HMCES: variants seen among roughly 807,000 people sequenced by gnomAD.
HMCES encodes the protein 5-hydroxymethylcytosine binding, ES cell specific, also known as abasic site processing protein HMCES.
HMCES carries 27 observed loss-of-function variants against 35.1 expected under a neutral mutation model. The observed-to-expected ratio is 0.77, with a 90% CI of 0.57 to 1.06. The LOEUF is 1.06. Ranked by LOEUF, HMCES falls within the 50% of genes least tolerant of loss-of-function variation. The pLI is 0.00. For synonymous variants in HMCES, 130 were observed against 154.7 expected (o/e 0.84, Z 1.18); for missense variants, 391 against 430.4 (o/e 0.91, Z 0.81).
At position 129,279,765 on chromosome 3, in the gene HMCES, A is replaced by G; in HGVS notation, c.33A>G (p.Arg11=). Residue 11 remains arginine, a synonymous_variant, in exon 2 of 7, where the codon AGA becomes AGG. Transcript: ENST00000383463. The surrounding 1 kb of genome is among the most constrained non-coding windows in gnomAD (Gnocchi z 4.2). MCGRTSCHLP[R]DVLTRACAYQ... The stretch of plus-strand genomic sequence containing the variant: ...GGCGAACATCCTGTCACTTACCTAG[A>G]GATGTTCTCACGAGAGCTTGCGCCT... The G allele has an allele frequency of 1.2e-6, 2 of 1,613,014 alleles. No homozygotes were observed. The highest frequency in any genetic ancestry group is 1.7e-6 in the Non-Finnish European group (2 of 1,179,642).
chr3:129,305,035 C>T lies in HMCES; in HGVS notation c.*210C>T. 1 of 582,556 alleles carries T rather than the reference C, an allele frequency of 1.7e-6. No homozygotes were observed. The highest frequency in any genetic ancestry group is 3.0e-6 in the Non-Finnish European group (1 of 327,982). 36.1% of individuals were successfully genotyped at this position (582,556 alleles called of 1,614,324 possible). ...GGAAGAGGTGTCCTGCTGCTGTTAC[C>T]AGCCATGTGGGCCCCATAGGGGCAC... On this transcript the variant is annotated 3_prime_UTR_variant, in exon 7 of 7. Transcript: ENST00000383463.
chr3:129,284,854 T>C lies in HMCES; in HGVS notation c.184-4000T>C, dbSNP rs138657237. Among the ~76,000 whole-genome samples, 783 of 152,196 alleles carry C rather than the reference T, an allele frequency of 5.1e-3. 5 individuals carry two copies. Among genetic ancestry groups the C allele is most frequent in the African/African-American group, 0.018 (735 of 41,518 alleles). On this transcript the variant is annotated intron_variant, in intron 2 of 6. Transcript: ENST00000383463. ...TTGAACCTGGGAGGCAGAGGTTGCA[T>C]TGAGCTGAGATCGTGCCACTGCACT...
intron 2 of HMCES, among the ~76,000 whole-genome samples, chr3:129,284,122 T>C (rs1274110774): frequency 2.0e-5 from 3 of 152,194 alleles, no homozygotes; most frequent in Non-Finnish European, 4.4e-5. Context: ...AGCTGACAAA[T>C]TTGAGTACCT....
At chr3:129,300,892 G>A (rs980312652) in intron 5 of HMCES, among the ~76,000 whole-genome samples, 7 of 152,090 alleles carry the variant, frequency 4.6e-5, no homozygotes, top group African/African-American at 1.4e-4. Context: ...TTAGCCAGAC[G>A]TGGTGGCGGC....
Position 129,279,590 on chromosome 3 carries a change from T to C in HMCES, c.-23-120T>C, listed in dbSNP as rs1372681202. Reference sequence around the variant, plus strand: ...TTGTGGGACTTTTTGGGGAAGACTTTAGACGGTGGTCACGGAGGGGCACGG... The same window carrying C: ...TTGTGGGACTTTTTGGGGAAGACTTCAGACGGTGGTCACGGAGGGGCACGG... On this transcript the variant is annotated intron_variant, in intron 1 of 6. Coordinates refer to ENST00000383463, the MANE Select transcript of HMCES (RefSeq NM_020187.3). This position sits in a 1 kb window ranked among gnomAD's most constrained non-coding sequence, Gnocchi z 4.2. 1.1e-5 allele frequency: 11 copies of C among 979,804 alleles called. No homozygotes were observed. The highest frequency in any genetic ancestry group is 1.5e-5 in the South Asian group (1 of 65,300). 60.7% of individuals were successfully genotyped at this position (979,804 alleles called of 1,614,324 possible).
rs1940405583 is a variant in HMCES at position 129,279,653 on chromosome 3, A to T, written c.-23-57A>T. ...GGAAAGAGAAGGCGGGGACTCAAGG[A>T]ATAAGACCTAATATTTGAGATACGT... On this transcript the variant is annotated intron_variant, in intron 1 of 6. Coordinates refer to ENST00000383463, the MANE Select transcript of HMCES (RefSeq NM_020187.3). The surrounding 1 kb of genome is among the most constrained non-coding windows in gnomAD (Gnocchi z 4.2). 2 of 1,527,796 alleles carry T rather than the reference A, an allele frequency of 1.3e-6. No individual in the cohort carries two copies. Among genetic ancestry groups the T allele is most frequent in the African/African-American group, 2.8e-5 (2 of 72,504 alleles). The allele number at this position is 1,527,796 out of a possible 1,614,324, so 94.6% of individuals were successfully genotyped here.
rs201218294 is a variant in HMCES at position 129,287,194 on chromosome 3, GT to G, written c.184-1651del. On this transcript the variant is annotated intron_variant, in intron 2 of 6. Transcript: ENST00000383463. ...AGTAATGTATATGTACAGTGTTTTT[GT>G]TTTTTTTTGTGGGGTTTTTTTGTTT... Among the ~76,000 whole-genome samples, 1,483 of 148,692 alleles carry G rather than the reference GT, an allele frequency of 1.0e-2. 21 individuals are homozygous for G. The highest frequency in any genetic ancestry group is 0.035 in the African/African-American group (1,400 of 39,690).
Position 129,305,074 on chromosome 3 carries a change from C to A in HMCES, c.*249C>A. The A allele has an allele frequency of 1.9e-6, 1 of 537,690 alleles. No homozygotes were observed. The highest frequency in any genetic ancestry group is 3.3e-6 in the Non-Finnish European group (1 of 301,986). The allele number at this position is 537,690 out of a possible 1,614,324, so 33.3% of individuals were successfully genotyped here. On this transcript the variant is annotated 3_prime_UTR_variant, in exon 7 of 7. Transcript: ENST00000383463. ...CCATAGGGGCACTGCGCCTGCTGCC[C>A]TTTCCTGGCAGGGCTGGTGGAGTCT... is the stretch of plus-strand genomic sequence containing the variant.
rs564191716 is a variant in HMCES at position 129,288,149 on chromosome 3, C to T, written c.184-705C>T. 2.1e-3 allele frequency among the ~76,000 whole-genome samples: 317 copies of T among 152,188 alleles called. 1 individual carries two copies. The highest frequency in any genetic ancestry group is 7.3e-3 in the African/African-American group (305 of 41,530). ...AATTAGCTGGACATGATGGTGTGCACCTGTAGTCCCAGCTACTTGGGAGGC... is the reference window on the plus strand; with the variant it reads ...AATTAGCTGGACATGATGGTGTGCATCTGTAGTCCCAGCTACTTGGGAGGC... On this transcript the variant is annotated intron_variant, in intron 2 of 6. Transcript: ENST00000383463.
chr3:129,289,035 A>T (rs767653528), intron 3 of HMCES, 38 bp downstream of exon 3: 3 of 1,479,384 alleles, frequency 2.0e-6, no homozygotes, highest in Non-Finnish European at 2.7e-6. Flanking sequence ...CGTATACCTC[A>T]GAAATAAGGT....
Position 129,279,748 on chromosome 3 carries a change from TC to T in HMCES, c.18del (p.Cys7ValfsTer96). 1 of 1,612,994 alleles carries T rather than the reference TC, an allele frequency of 6.2e-7. No homozygotes were observed. Among genetic ancestry groups the T allele is most frequent in the Non-Finnish European group, 8.5e-7 (1 of 1,179,640 alleles). On this transcript the variant is annotated frameshift_variant, in exon 2 of 7. Transcript: ENST00000383463. LOFTEE classifies it high-confidence loss of function. The surrounding 1 kb of genome is among the most constrained non-coding windows in gnomAD (Gnocchi z 4.2). ...GTGTTGAAGAATGTGTGGGCGAACATCCTGTCACTTACCTAGAGATGTTCTC... is the reference window on the plus strand; with the variant it reads ...GTGTTGAAGAATGTGTGGGCGAACATCTGTCACTTACCTAGAGATGTTCTC... MCGRT[S>X]CHLPRDVLTR...
intron 2 of HMCES, among the ~76,000 whole-genome samples, chr3:129,281,077 C>A (rs1940466512): frequency 1.3e-5 from 2 of 152,032 alleles, no homozygotes; most frequent in South Asian, 4.1e-4. Context: ...CAAAAATTAG[C>A]TGAGTATGGT....
At chr3:129,291,173 C>T (rs1048958534) in intron 4 of HMCES, among the ~76,000 whole-genome samples, 7 of 151,790 alleles carry the variant, frequency 4.6e-5, no homozygotes, top group African/African-American at 1.7e-4. Context: ...CTGCACTGGG[C>T]GACAGAGCAA....
rs769887542 is a variant in HMCES, at chr3:129,302,151, C to CTGTG, written c.828+10_828+13dup. 3.1e-6 allele frequency: 5 copies of CTGTG among 1,606,918 alleles called. No homozygotes were observed. In the East Asian group the frequency reaches 1.1e-4, roughly 36 times the overall value. The stretch of plus-strand genomic sequence containing the variant: ...ACTTGGTGGTCAAAAAGGTAGGGGC[C>CTGTG]TGTGACTGGTACAGTCCTTTTTGAG... On this transcript the variant is annotated intron_variant, in intron 6 of 6. Transcript: ENST00000383463.
In HMCES at chr3:129,305,077, T is replaced by C; in HGVS notation, c.*252T>C. 1 of 533,072 alleles carries C rather than the reference T, an allele frequency of 1.9e-6. No homozygotes were observed. The highest frequency in any genetic ancestry group is 3.2e-5 in the East Asian group (1 of 31,588). 33.0% of individuals were successfully genotyped at this position (533,072 alleles called of 1,614,324 possible). A position where few individuals can be genotyped will look rare whatever the true frequency, so the allele number is the denominator to read the frequency against. ...TAGGGGCACTGCGCCTGCTGCCCTT[T>C]CCTGGCAGGGCTGGTGGAGTCTTCC... On this transcript the variant is annotated 3_prime_UTR_variant, in exon 7 of 7. Coordinates refer to ENST00000383463, the MANE Select transcript of HMCES (RefSeq NM_020187.3).
At chr3:129,293,350 C>T (rs764202111) in intron 4 of HMCES, among the ~76,000 whole-genome samples, 6 of 152,032 alleles carry the variant, frequency 3.9e-5, no homozygotes, top group Non-Finnish European at 8.8e-5. Context: ...AACCAGACAC[C>T]ACCTGTTCCC....
At chr3:129,291,756 A>G (rs2107691447) in intron 4 of HMCES, among the ~76,000 whole-genome samples, 1 of 152,310 alleles carries the variant, frequency 6.6e-6, no homozygotes, top group East Asian at 1.9e-4. Context: ...TTACAACTCT[A>G]CGTTTAACAT....
intron 4 of HMCES, among the ~76,000 whole-genome samples, chr3:129,295,043 C>G (rs916502280): frequency 2.6e-5 from 4 of 151,366 alleles, no homozygotes; most frequent in African/African-American, 7.3e-5. Flanking sequence ...CCTGTAGTCC[C>G]AGCTACTTGG....
chr3:129,287,092 TG>T (rs1485008404), intron 2 of HMCES, among the ~76,000 whole-genome samples: 4 of 152,200 alleles, frequency 2.6e-5, no homozygotes, highest in Admixed American at 2.6e-4. Context: ...GAAAAAGTCA[TG>T]CACAGGTTTC....
Sources: allele counts gnomAD v4.1 joint callset (sites outside exome capture counted in the v4.1 genomes callset), GRCh38; gene constraint gnomAD v4.1.1; non-coding constraint Gnocchi (gnomAD v3.1); transcripts MANE v1.5; gene names NCBI Gene and HGNC (gene_info 2026-07-23, HGNC 2026-07-21).